The following BRINP3 variants were observed in gnomAD, a reference collection of about 807,000 sequenced individuals.
BRINP3 encodes the protein BMP/retinoic acid-inducible neural-specific protein 3.
A neutral mutation model predicts 71.0 loss-of-function variants in BRINP3; 19 were observed. The ratio of observed to expected loss-of-function variants is 0.27; its 90% CI spans 0.19 to 0.39. The LOEUF (loss-of-function observed/expected upper bound fraction) is 0.39, where lower values mean the gene tolerates loss of function less well. Ranked by LOEUF, BRINP3 falls within the 10% of genes least tolerant of loss-of-function variation. BRINP3 has a pLI of 1.00. For missense variants in BRINP3, 959 were observed against 940.8 expected (o/e 1.02, Z -0.25); for synonymous variants, 380 against 337.7 (o/e 1.13, Z -1.37).
chr1:190,222,584 T>A (rs1468412605), intron 6 of BRINP3, among the ~76,000 whole-genome samples: 2 of 150,458 alleles, frequency 1.3e-5, no homozygotes, highest in African/African-American at 4.9e-5. Flanking sequence ...AAAAAATACA[T>A]AAGATCAACA....
chr1:190,367,443 C>T (rs1321958791), intron 2 of BRINP3, among the ~76,000 whole-genome samples: 1 of 152,198 alleles, frequency 6.6e-6, no homozygotes, highest in Non-Finnish European at 1.5e-5. Context: ...GCCTCCAGGC[C>T]TGTGATAGGA....
rs187380352 is a variant in BRINP3 at position 190,396,587 on chromosome 1, T to G, written c.236+58068A>C. On this transcript the variant is annotated intron_variant, in intron 2 of 7. Coordinates refer to ENST00000367462, the MANE Select transcript of BRINP3 (RefSeq NM_199051.3). ...GGCCATCAATTATTTTCTAAACAAG[T>G]GGCATTCTCTTTTGCATTCTGCTTT... Among the ~76,000 whole-genome samples, 30 of 151,586 alleles carry G rather than the reference T, an allele frequency of 2.0e-4. No individual in the cohort carries two copies. The East Asian group carries it at 5.6e-3, about 29-fold the overall frequency.
At chr1:190,445,896 A>C (rs1245365086) in intron 2 of BRINP3, among the ~76,000 whole-genome samples, 7 of 152,196 alleles carry the variant, frequency 4.6e-5, no homozygotes, top group Non-Finnish European at 8.8e-5. Context: ...ATTGTTGTTT[A>C]CTATTCTGTA....
At chr1:190,288,142 GTA>G (rs1663576946) in intron 2 of BRINP3, among the ~76,000 whole-genome samples, 1 of 151,918 alleles carries the variant, frequency 6.6e-6, no homozygotes, top group African/African-American at 2.4e-5. Context: ...AAGTTTGAAA[GTA>G]TAGTTTAATT....
chr1:190,422,691 T>G (rs1019662546), intron 2 of BRINP3, among the ~76,000 whole-genome samples: 16 of 151,834 alleles, frequency 1.1e-4, no homozygotes, highest in African/African-American at 3.4e-4. Flanking sequence ...AAAAGAGAGC[T>G]GAAGTTCGCT....
At chr1:190,335,454 C>T (rs1667227139) in intron 2 of BRINP3, among the ~76,000 whole-genome samples, 1 of 151,682 alleles carries the variant, frequency 6.6e-6, no homozygotes, top group Non-Finnish European at 1.5e-5. Context: ...TTTTTACTTA[C>T]ATGTAGATGT....
At chr1:190,179,189 T>C (rs1652817929) in intron 6 of BRINP3, among the ~76,000 whole-genome samples, 1 of 152,160 alleles carries the variant, frequency 6.6e-6, no homozygotes, top group Non-Finnish European at 1.5e-5. Context: ...ATTTTAGAAC[T>C]ATGAGATGAA....
chr1:190,459,499 G>C (rs75611443), intron 1 of BRINP3, among the ~76,000 whole-genome samples: 1 of 151,688 alleles, frequency 6.6e-6, no homozygotes, highest in Non-Finnish European at 1.5e-5. Flanking sequence ...AAACTACAAA[G>C]ATATAAACAA....
chr1:190,307,667 G>T (rs536380179), intron 2 of BRINP3, among the ~76,000 whole-genome samples: 44 of 151,534 alleles, frequency 2.9e-4, no homozygotes, highest in African/African-American at 1.0e-3. Flanking sequence ...TGTAGATTTT[G>T]CTCATCAGTA....
intron 6 of BRINP3, among the ~76,000 whole-genome samples, chr1:190,187,265 A>G (rs1006722433): frequency 6.6e-6 from 1 of 151,960 alleles, no homozygotes; most frequent in Non-Finnish European, 1.5e-5. Flanking sequence ...TTACTGTTAT[A>G]TTTTCCATAT....
intron 2 of BRINP3, among the ~76,000 whole-genome samples, chr1:190,438,563 T>A (rs1674619672): frequency 6.6e-6 from 1 of 152,006 alleles, no homozygotes; most frequent in Non-Finnish European, 1.5e-5. Context: ...ACTTTGAGGA[T>A]GTTTTATATG....
intron 4 of BRINP3, among the ~76,000 whole-genome samples, chr1:190,253,948 G>A (rs1169930332): frequency 2.0e-5 from 3 of 152,214 alleles, no homozygotes; most frequent in Admixed American, 6.5e-5. Context: ...TTTGTATAAG[G>A]TGTAAGGAAG....
chr1:190,320,016 G>A (rs1323377337), intron 2 of BRINP3, among the ~76,000 whole-genome samples: 5 of 149,656 alleles, frequency 3.3e-5, no homozygotes, highest in Non-Finnish European at 5.9e-5. Flanking sequence ...TGTGATATAC[G>A]TGTGTGTGTG....
intron 2 of BRINP3, among the ~76,000 whole-genome samples, chr1:190,283,123 A>G (rs2102941803): frequency 6.6e-6 from 1 of 152,108 alleles, no homozygotes; most frequent in African/African-American, 2.4e-5. Context: ...ATATGATCAG[A>G]ATCACTTTTG....
At chr1:190,235,651 G>A (rs1375773762) in intron 4 of BRINP3, among the ~76,000 whole-genome samples, 2 of 151,790 alleles carry the variant, frequency 1.3e-5, no homozygotes, top group East Asian at 3.9e-4. Context: ...GATGCCTTGG[G>A]GTATTTGACT....
intron 4 of BRINP3, among the ~76,000 whole-genome samples, chr1:190,264,293 G>T (rs1197236743): frequency 6.6e-6 from 1 of 151,908 alleles, no homozygotes; most frequent in Non-Finnish European, 1.5e-5. Context: ...AAAGTCAAAT[G>T]ACTTTAGTGA....
At chr1:190,186,416 ATATTTAT>A (rs1189935149) in intron 6 of BRINP3, among the ~76,000 whole-genome samples, 2 of 152,134 alleles carry the variant, frequency 1.3e-5, no homozygotes, top group Non-Finnish European at 2.9e-5. Context: ...TAGTTCAGGT[ATATTTAT>A]AAAACACCTT....
chr1:190,165,460 TTGTGTGTG>T lies in BRINP3; in HGVS notation c.962-4578_962-4571del, dbSNP rs1222112915. On this transcript the variant is annotated intron_variant, in intron 6 of 7. Coordinates refer to ENST00000367462, the MANE Select transcript of BRINP3 (RefSeq NM_199051.3). ...CATTGGCTGTTTTTTTTTTTTTTTT[TTGTGTGTG>T]TGTGTGTGTGTGTGTGTGTGTGTGT... Among the ~76,000 whole-genome samples, 761 of 94,254 alleles carry T rather than the reference TTGTGTGTG, an allele frequency of 8.1e-3. 15 individuals carry two copies. Among genetic ancestry groups the T allele is most frequent in the Middle Eastern group, 0.013 (2 of 158 alleles). The allele number at this position is 94,254 out of a possible 152,430, so 61.8% of individuals were successfully genotyped here.
At chr1:190,380,366 A>C (rs558344209) in intron 2 of BRINP3, among the ~76,000 whole-genome samples, 3 of 152,182 alleles carry the variant, frequency 2.0e-5, no homozygotes, top group Non-Finnish European at 4.4e-5. Flanking sequence ...AAGAATGTCA[A>C]AAGCTCCATT....
Sources: gnomAD v4.1 joint callset for allele counts (sites outside exome capture counted in the v4.1 genomes callset) on GRCh38, gnomAD v4.1.1 for gene constraint, MANE v1.5 for transcripts, NCBI Gene and HGNC (gene_info 2026-07-23, HGNC 2026-07-21) for gene names.